The following MYO7B variants were observed in gnomAD, a reference collection of about 807,000 sequenced individuals.
MYO7B encodes unconventional myosin-VIIb.
Under a neutral mutation model 259.7 loss-of-function variants are expected in MYO7B, and 212 were observed. The observed-to-expected ratio is 0.82, with a 90% CI of 0.73 to 0.91. The LOEUF is 0.91. Among genes scored for constraint, MYO7B ranks in the 40% least tolerant of loss-of-function variants. MYO7B has a pLI of 0.00. For missense variants in MYO7B, 2,732 were observed against 2,813.5 expected (o/e 0.97, Z 0.66); for synonymous variants, 1,197 against 1,166.4 (o/e 1.03, Z -0.54).
At chr2:127,555,459 T>C (rs1161365831) in intron 1 of MYO7B, among the ~76,000 whole-genome samples, 5 of 152,224 alleles carry the variant, frequency 3.3e-5, no homozygotes, top group Admixed American at 6.5e-5. Flanking sequence ...TTCTTGTTTC[T>C]CTAGTTCCTT....
chr2:127,583,335 G>A (rs997129612), intron 12 of MYO7B, among the ~76,000 whole-genome samples: 7 of 152,234 alleles, frequency 4.6e-5, no homozygotes, highest in African/African-American at 7.2e-5. Flanking sequence ...ACGCAAGCAC[G>A]CTGGGATCTC....
At chr2:127,600,969 C>T (rs1361346635) in intron 19 of MYO7B, among the ~76,000 whole-genome samples, 1 of 152,238 alleles carries the variant, frequency 6.6e-6, no homozygotes, top group Non-Finnish European at 1.5e-5. Flanking sequence ...TGTCTTAGCA[C>T]TGCTTTAGCT....
In MYO7B at chr2:127,611,176, C is replaced by T. The variant is rs577033385; in HGVS notation, c.3193-1074C>T. On this transcript the variant is annotated intron_variant, in intron 24 of 47. Coordinates refer to ENST00000409816, the MANE Select transcript of MYO7B (RefSeq NM_001393586.1). The surrounding 1 kb of genome is among the most constrained non-coding windows in gnomAD (Gnocchi z 5.4). ...TTGTCATGTGGGCCTTTCCACAAAG[C>T]TGCCTGGGCATCCTCACAACATGGC... is the stretch of plus-strand genomic sequence containing the variant. Among the ~76,000 whole-genome samples the T allele has an allele frequency of 3.3e-5, 5 of 152,354 alleles. No individual in the cohort carries two copies. In the South Asian group the frequency reaches 8.3e-4, roughly 25 times the overall value.
At chr2:127,589,003 AGTGAGTGGATGGGTGGTGGGTGG>A (rs1679425524) in intron 15 of MYO7B, among the ~76,000 whole-genome samples, 2 of 37,634 alleles carry the variant, frequency 5.3e-5, no homozygotes, top group African/African-American at 1.1e-4. Flanking sequence ...TGGATGGGTG[AGTGAGTGGATGGGTGGTGGGTGG>A]GTGGATGGAT....
chr2:127,593,090 C>G (rs1679630971), intron 17 of MYO7B, 144 bp downstream of exon 17: 1 of 1,097,294 alleles, frequency 9.1e-7, no homozygotes, highest in East Asian at 2.6e-5. Flanking sequence ...TCCTCCCTCT[C>G]TCCTCCTCCC....
intron 5 of MYO7B, among the ~76,000 whole-genome samples, chr2:127,567,168 T>C (rs1025462898): frequency 6.6e-6 from 1 of 151,492 alleles, no homozygotes; most frequent in South Asian, 2.1e-4. Context: ...ACTTGGGAGG[T>C]CAAAGGAGGA....
Position 127,597,672 on chromosome 2 carries a change from T to C in MYO7B, c.2339+1116T>C, listed in dbSNP as rs1276157238. 1.3e-5 allele frequency among the ~76,000 whole-genome samples: 2 copies of C among 151,470 alleles called. No individual in the cohort carries two copies. The highest frequency in any genetic ancestry group is 1.9e-4 in the East Asian group (1 of 5,204). Reference sequence around the variant, plus strand: ...TTATTTGAAACAAAGTCTCACTCAGTCAACCAGGCTGGAGTACAGTGGCAC... The same window carrying C: ...TTATTTGAAACAAAGTCTCACTCAGCCAACCAGGCTGGAGTACAGTGGCAC... On this transcript the variant is annotated intron_variant, in intron 19 of 47. Transcript: ENST00000409816. This position sits in a 1 kb window ranked among gnomAD's most constrained non-coding sequence, Gnocchi z 4.8.
intron 2 of MYO7B, among the ~76,000 whole-genome samples, chr2:127,563,696 C>T (rs1000370883): frequency 2.6e-5 from 4 of 152,302 alleles, no homozygotes; most frequent in Middle Eastern, 3.4e-3. Flanking sequence ...CTGGGGCCAC[C>T]TTTTCAGCTT....
chr2:127,545,466 A>T (rs1026835807), intron 1 of MYO7B, among the ~76,000 whole-genome samples: 1 of 152,216 alleles, frequency 6.6e-6, no homozygotes, highest in African/African-American at 2.4e-5. Context: ...GTTGGGGGAC[A>T]TTGGGAAGTT....
intron 12 of MYO7B, among the ~76,000 whole-genome samples, chr2:127,583,585 T>C (rs1196730912): frequency 2.0e-5 from 3 of 152,130 alleles, no homozygotes; most frequent in African/African-American, 7.2e-5. Flanking sequence ...CCTCGGTTTC[T>C]GACTTGAGCC....
chr2:127,539,845 C>T lies in MYO7B; in HGVS notation c.-24+4014C>T, dbSNP rs887686165. On this transcript the variant is annotated intron_variant, in intron 1 of 47. Coordinates refer to ENST00000409816, the MANE Select transcript of MYO7B (RefSeq NM_001393586.1). This position sits in a 1 kb window ranked among gnomAD's most constrained non-coding sequence, Gnocchi z 4.0. Reference sequence around the variant, plus strand: ...TGCTCACCCAGCTCCAGCCTTCCCCCGAAAGTCCCCAAAGTCCATTGTATC... The same window carrying T: ...TGCTCACCCAGCTCCAGCCTTCCCCTGAAAGTCCCCAAAGTCCATTGTATC... Among the ~76,000 whole-genome samples the T allele has an allele frequency of 7.2e-5, 11 of 152,220 alleles. No individual in the cohort carries two copies. Among genetic ancestry groups the T allele is most frequent in the Non-Finnish European group, 1.3e-4 (9 of 68,036 alleles).
At chr2:127,623,075 C>G in intron 28 of MYO7B, 127 bp from the exon 29 acceptor site, 1 of 1,176,994 alleles carries the variant, frequency 8.5e-7, no homozygotes, top group Non-Finnish European at 1.2e-6. Context: ...AGGGCCCACC[C>G]CTGGGAACCC....
rs1681198538 is a variant in MYO7B at position 127,627,440 on chromosome 2, C to T, written c.4460+130C>T. Reference sequence around the variant, plus strand: ...CAGGCCGGGGTGGAGGGACAAGAATCTACGTATGCGATGGCTTCTGTACTT... The same window carrying T: ...CAGGCCGGGGTGGAGGGACAAGAATTTACGTATGCGATGGCTTCTGTACTT... On this transcript the variant is annotated intron_variant, in intron 33 of 47. Transcript: ENST00000409816. This position sits in a 1 kb window ranked among gnomAD's most constrained non-coding sequence, Gnocchi z 5.6. 1 of 1,272,398 alleles carries T rather than the reference C, an allele frequency of 7.9e-7. No homozygotes were observed. Among genetic ancestry groups the T allele is most frequent in the Non-Finnish European group, 1.1e-6 (1 of 908,976 alleles). 78.8% of individuals were successfully genotyped at this position (1,272,398 alleles called of 1,614,324 possible).
At chr2:127,621,302 C>T (rs1052480891) in intron 27 of MYO7B, among the ~76,000 whole-genome samples, 21 of 137,202 alleles carry the variant, frequency 1.5e-4, no homozygotes, top group Non-Finnish European at 2.1e-4. Flanking sequence ...CTCACTCTGT[C>T]GCCCAGGCCA....
In MYO7B at chr2:127,551,484, G is replaced by A. The variant is rs1442025993; in HGVS notation, c.-23-8216G>A. Among the ~76,000 whole-genome samples, 15 of 152,210 alleles carry A rather than the reference G, an allele frequency of 9.9e-5. 1 individual carries two copies. The highest frequency in any genetic ancestry group is 9.8e-4 in the Admixed American group (15 of 15,284). On this transcript the variant is annotated intron_variant, in intron 1 of 47. Coordinates refer to ENST00000409816, the MANE Select transcript of MYO7B (RefSeq NM_001393586.1). Reference sequence around the variant, plus strand: ...ATCTTAGAGAGAGAGCAAGCAGGAAGCCACAAAGGCTCTACTCCATTCCTT... The same window carrying A: ...ATCTTAGAGAGAGAGCAAGCAGGAAACCACAAAGGCTCTACTCCATTCCTT...
Position 127,627,420 on chromosome 2 carries a change from C to A in MYO7B, c.4460+110C>A. The A allele has an allele frequency of 1.4e-6, 2 of 1,451,176 alleles. No homozygotes were observed. Among genetic ancestry groups the A allele is most frequent in the South Asian group, 1.2e-5 (1 of 80,220 alleles). 89.9% of individuals were successfully genotyped at this position (1,451,176 alleles called of 1,614,324 possible). A position where few individuals can be genotyped will look rare whatever the true frequency, so the allele number is the denominator to read the frequency against. ...CAGTGTGCCGTCCCGGGTAACAGGC[C>A]GGGGTGGAGGGACAAGAATCTACGT... On this transcript the variant is annotated intron_variant, in intron 33 of 47. Coordinates refer to ENST00000409816, the MANE Select transcript of MYO7B (RefSeq NM_001393586.1). This position sits in a 1 kb window ranked among gnomAD's most constrained non-coding sequence, Gnocchi z 5.6.
chr2:127,580,909 C>T, intron 10 of MYO7B, 87 bp downstream of exon 10: 1 of 1,301,806 alleles, frequency 7.7e-7, no homozygotes, highest in Non-Finnish European at 1.1e-6. Flanking sequence ...ATTCTTATAA[C>T]CCTACCCAGG....
chr2:127,631,285 GAGCCGCTGCGAC>G lies in MYO7B; in HGVS notation c.5027_5038del (p.Arg1676_Leu1679del), dbSNP rs761938012. 1.2e-6 allele frequency: 2 copies of G among 1,612,154 alleles called. No homozygotes were observed. Among genetic ancestry groups the G allele is most frequent in the East Asian group, 2.2e-5 (1 of 44,854 alleles). On this transcript the variant is annotated inframe_deletion, in exon 37 of 48. Coordinates refer to ENST00000409816, the MANE Select transcript of MYO7B (RefSeq NM_001393586.1). Reference sequence around the variant, plus strand: ...TGGCCACCTGTGGGCCTATTCCTGCGAGCCGCTGCGACAGCCGCTGCTCAAGCGAGTCCACGC... The same window carrying G: ...TGGCCACCTGTGGGCCTATTCCTGCGAGCCGCTGCTCAAGCGAGTCCACGC...
rs573295236 is a variant in MYO7B at position 127,585,677 on chromosome 2, T to G, written c.1690+764T>G. On this transcript the variant is annotated intron_variant, in intron 14 of 47. Coordinates refer to ENST00000409816, the MANE Select transcript of MYO7B (RefSeq NM_001393586.1). The surrounding 1 kb of genome is among the most constrained non-coding windows in gnomAD (Gnocchi z 4.3). ...CAGACTGTTTTCCAAAGCGGCTGTA[T>G]GATTTTACATTCCCACTAGCAATGT... 1.3e-5 allele frequency among the ~76,000 whole-genome samples: 2 copies of G among 152,356 alleles called. No individual in the cohort carries two copies. The highest frequency in any genetic ancestry group is 3.9e-4 in the East Asian group (2 of 5,188).
Sources: gnomAD v4.1 joint callset for allele counts (sites outside exome capture counted in the v4.1 genomes callset) on GRCh38, gnomAD v4.1.1 for gene constraint, Gnocchi (gnomAD v3.1) non-coding constraint, MANE v1.5 for transcripts, NCBI Gene and HGNC (gene_info 2026-07-23, HGNC 2026-07-21) for gene names.